The following MITF variants were observed in gnomAD, a reference collection of about 807,000 sequenced individuals.
The protein encoded by MITF is microphthalmia-associated transcription factor.
In MITF, 17 loss-of-function variants were observed where a neutral mutation model predicts 60.5. The ratio of observed to expected loss-of-function variants is 0.28; its 90% CI spans 0.19 to 0.42. MITF has a LOEUF of 0.42. Among genes scored for constraint, MITF ranks in the 10% least tolerant of loss-of-function variants. The pLI is 1.00. For synonymous variants in MITF, 260 were observed against 248.5 expected (o/e 1.05, Z -0.43); for missense variants, 622 against 683.5 (o/e 0.91, Z 1.00).
intron 1 of MITF, among the ~76,000 whole-genome samples, chr3:69,761,761 G>C (rs887224057): frequency 5.3e-5 from 8 of 152,354 alleles, no homozygotes; most frequent in South Asian, 4.1e-4. Context: ...GGTAGGAAAA[G>C]ATGGGATGGT....
At chr3:69,886,293 C>G (rs1317226259) in intron 2 of MITF, among the ~76,000 whole-genome samples, 1 of 152,094 alleles carries the variant, frequency 6.6e-6, no homozygotes, top group Non-Finnish European at 1.5e-5. Context: ...GGAGGAAAGG[C>G]AATTGTGCCT....
At chr3:69,907,607 A>G (rs2065129075) in intron 2 of MITF, among the ~76,000 whole-genome samples, 1 of 152,122 alleles carries the variant, frequency 6.6e-6, no homozygotes, top group Non-Finnish European at 1.5e-5. Context: ...CAAAATTTGT[A>G]TTTGAAATCA....
intron 1 of MITF, among the ~76,000 whole-genome samples, chr3:69,812,682 G>A (rs1685835288): frequency 6.6e-6 from 1 of 152,064 alleles, no homozygotes; most frequent in Admixed American, 6.6e-5. Context: ...TCACAATGCG[G>A]GTGACATAGT....
At chr3:69,799,918 C>A (rs2062890272) in intron 1 of MITF, among the ~76,000 whole-genome samples, 1 of 152,110 alleles carries the variant, frequency 6.6e-6, no homozygotes, top group South Asian at 2.1e-4. Context: ...TAGTGTTTTT[C>A]AGTCTCTATG....
chr3:69,739,649 C>G lies in MITF; in HGVS notation c.52C>G (p.His18Asp). 1 of 1,584,600 alleles carries G rather than the reference C, an allele frequency of 6.3e-7. No individual in the cohort carries two copies. The highest frequency in any genetic ancestry group is 8.6e-7 in the Non-Finnish European group (1 of 1,163,822). The change falls in exon 1 of 10, where the codon CAT becomes GAT. Residue 18 changes from histidine to aspartate, a missense_variant. Coordinates refer to ENST00000352241, the MANE Select transcript of MITF (RefSeq NM_001354604.2). The part of the protein sequence containing the change: ...VPDFEVGEEF[H>D]EEPKTYYELK... ...GGATTTCGAAGTCGGGGAGGAGTTT[C>G]ATGAAGAGCCCAAAACCTATTACGA...
At chr3:69,819,473 T>C (rs775994145) in intron 1 of MITF, among the ~76,000 whole-genome samples, 7 of 152,188 alleles carry the variant, frequency 4.6e-5, no homozygotes, top group Admixed American at 3.9e-4. Context: ...TTAGAACAGA[T>C]GGCCCGAAGT....
At chr3:69,755,124 C>T (rs1367063307) in intron 1 of MITF, among the ~76,000 whole-genome samples, 1 of 152,150 alleles carries the variant, frequency 6.6e-6, no homozygotes, top group Non-Finnish European at 1.5e-5. Flanking sequence ...ACTTTTGTTG[C>T]CAGAACAATT....
intron 1 of MITF, among the ~76,000 whole-genome samples, chr3:69,817,593 G>T (rs1163147562): frequency 6.6e-6 from 1 of 152,050 alleles, no homozygotes; most frequent in East Asian, 1.9e-4. Context: ...TCTGAGAAAA[G>T]AGATGGGAGG....
chr3:69,899,563 G>A (rs891927513), intron 2 of MITF, among the ~76,000 whole-genome samples: 3 of 152,136 alleles, frequency 2.0e-5, no homozygotes, highest in Admixed American at 6.5e-5. Context: ...TACATGGCAC[G>A]GAGAAGGATT....
intron 1 of MITF, among the ~76,000 whole-genome samples, chr3:69,756,589 A>T (rs2106787191): frequency 6.6e-6 from 1 of 152,332 alleles, no homozygotes; most frequent in Admixed American, 6.5e-5. Flanking sequence ...GTGCTGCAAT[A>T]AACATACATG....
chr3:69,944,752 G>A (rs2066053210), intron 5 of MITF, among the ~76,000 whole-genome samples: 1 of 152,074 alleles, frequency 6.6e-6, no homozygotes, highest in South Asian at 2.1e-4. Context: ...AGAATTATAA[G>A]AGGTAGCCCA....
rs372749718 is a variant in MITF at position 69,784,164 on chromosome 3, T to TTTGTTG, written c.104+44487_104+44492dup. On this transcript the variant is annotated intron_variant, in intron 1 of 9. Transcript: ENST00000352241. The stretch of plus-strand genomic sequence containing the variant: ...CCATTGGGGAAGAGTTGCTTTTTGT[T>TTTGTTG]TTGTTGTTGTTGTTGTTGTTGTTGT... 2.1e-3 allele frequency among the ~76,000 whole-genome samples: 319 copies of TTTGTTG among 151,818 alleles called. 1 individual carries two copies. Among genetic ancestry groups the TTTGTTG allele is most frequent in the African/African-American group, 3.7e-3 (153 of 41,352 alleles).
chr3:69,941,548 A>G (rs2065969152), intron 5 of MITF, among the ~76,000 whole-genome samples: 1 of 152,188 alleles, frequency 6.6e-6, no homozygotes, highest in African/African-American at 2.4e-5. Context: ...AAAACTCTAC[A>G]TTCCCTGGAG....
chr3:69,873,604 C>G (rs1157430285), intron 1 of MITF, among the ~76,000 whole-genome samples: 6 of 152,158 alleles, frequency 3.9e-5, no homozygotes, highest in Admixed American at 3.9e-4. Flanking sequence ...GTAAAGTAGT[C>G]TTTCTCCTTG....
At chr3:69,827,072 T>C (rs930414371) in intron 1 of MITF, among the ~76,000 whole-genome samples, 3 of 152,214 alleles carry the variant, frequency 2.0e-5, no homozygotes, top group African/African-American at 7.2e-5. Context: ...CATCCTCCTC[T>C]TCTCATGCCA....
At chr3:69,757,236 A>T (rs940643006) in intron 1 of MITF, among the ~76,000 whole-genome samples, 3 of 152,172 alleles carry the variant, frequency 2.0e-5, no homozygotes, top group African/African-American at 7.2e-5. Context: ...GAATCCATAT[A>T]TATATATTCA....
intron 1 of MITF, among the ~76,000 whole-genome samples, chr3:69,780,836 TGTTA>T (rs2062551316): frequency 6.6e-6 from 1 of 152,210 alleles, no homozygotes; most frequent in Admixed American, 6.5e-5. Context: ...TGCCACTTTC[TGTTA>T]GTTAATGCAA....
At chr3:69,788,056 G>A (rs1442738247) in intron 1 of MITF, among the ~76,000 whole-genome samples, 1 of 151,936 alleles carries the variant, frequency 6.6e-6, no homozygotes, top group Non-Finnish European at 1.5e-5. Context: ...GCATAGACAG[G>A]CAGTGGTGGA....
intron 1 of MITF, among the ~76,000 whole-genome samples, chr3:69,789,950 G>A (rs960764058): frequency 1.3e-5 from 2 of 151,934 alleles, no homozygotes; most frequent in African/African-American, 4.8e-5. Context: ...TTGAAAGCAG[G>A]GTCCTATAGA....
Sources: allele counts gnomAD v4.1 joint callset (sites outside exome capture counted in the v4.1 genomes callset), GRCh38; gene constraint gnomAD v4.1.1; transcripts MANE v1.5; gene names NCBI Gene and HGNC (gene_info 2026-07-23, HGNC 2026-07-21).